Variants in PPID observed in about 807,000 individuals in gnomAD.
PPID encodes peptidylprolyl isomerase D, also known as peptidyl-prolyl cis-trans isomerase D.
A neutral mutation model predicts 48.1 loss-of-function variants in PPID; 47 were observed. The observed-to-expected ratio is 0.98, with a 90% confidence interval of 0.77 to 1.25. PPID has a LOEUF of 1.25. Ranked by LOEUF, PPID falls within the 50% of genes most tolerant of loss-of-function variation. PPID has a pLI of 0.00. For missense variants in PPID, 429 were observed against 443.5 expected (o/e 0.97, Z 0.29); for synonymous variants, 163 against 148.8 (o/e 1.10, Z -0.69).
Position 158,717,181 on chromosome 4 carries a change from A to G in PPID, c.353T>C (p.Leu118Pro). Reference sequence around the variant, plus strand: ...GTTGCGGCCTGCATTTGCCATGCTCAGTAAACCCTCCCGATCATGCTGTAG... The same window carrying G: ...GTTGCGGCCTGCATTTGCCATGCTCGGTAAACCCTCCCGATCATGCTGTAG... ...FHYKHDREGL[L>P]SMANAGRNTN... The change falls in exon 4 of 10, where the codon CTG becomes CCG. Residue 118 changes from leucine (L) to proline (P), a missense_variant. Coordinates refer to ENST00000307720, the MANE Select transcript of PPID (RefSeq NM_005038.3). The G allele has an allele frequency of 6.2e-7, 1 of 1,613,566 alleles. No homozygotes were observed. The highest frequency in any genetic ancestry group is 8.5e-7 in the Non-Finnish European group (1 of 1,179,824).
chr4:158,709,969 C>G, intron 9 of PPID, 145 bp from the exon 10 acceptor site: 1 of 610,164 alleles, frequency 1.6e-6, no homozygotes, highest in Non-Finnish European at 2.8e-6. Flanking sequence ...TCTGAGCAAT[C>G]ACACAAACAC....
intron 9 of PPID, 106 bp from the exon 10 acceptor site, chr4:158,709,930 C>G: frequency 1.2e-6 from 1 of 812,072 alleles, no homozygotes; most frequent in Non-Finnish European, 1.9e-6. Flanking sequence ...AACTTCTCTA[C>G]AAAGTAACTA....
At chr4:158,722,280 A>C (rs1249484418) in intron 1 of PPID, among the ~76,000 whole-genome samples, 1 of 152,254 alleles carries the variant, frequency 6.6e-6, no homozygotes, top group Non-Finnish European at 1.5e-5. Context: ...AGAATTTCCA[A>C]TCACCAAGCA....
intron 9 of PPID, 43 bp from the exon 10 acceptor site, chr4:158,709,867 C>T: frequency 6.8e-7 from 1 of 1,479,208 alleles, no homozygotes; most frequent in Non-Finnish European, 9.3e-7. Flanking sequence ...TCAAAATATC[C>T]AAAAAATTAT....
Position 158,721,456 on chromosome 4 carries a change from G to T in PPID, c.113C>A (p.Ala38Glu). The change falls in exon 2 of 10, where the codon GCA (alanine) becomes GAA (glutamate). Residue 38 changes from alanine to glutamate, a missense_variant. Ala to Glu is a moderately radical substitution (Grantham distance 107). Coordinates refer to ENST00000307720, the MANE Select transcript of PPID (RefSeq NM_005038.3). ...RVGRIVLELF[A>E]DIVPKTAENF... ...TTCCGCAGTTTTGGGTACGATATCT[G>T]CAAACAATTCTAAGACAATTCGACC... 1.2e-6 allele frequency: 2 copies of T among 1,614,010 alleles called. No individual in the cohort carries two copies. Among genetic ancestry groups the T allele is most frequent in the Non-Finnish European group, 8.5e-7 (1 of 1,179,944 alleles).
In PPID at chr4:158,710,616, C is replaced by A. The variant is rs201197461; in HGVS notation, c.1024+12G>T. The A allele has an allele frequency of 1.2e-6, 2 of 1,612,200 alleles. No homozygotes were observed. Among genetic ancestry groups the A allele is most frequent in the South Asian group, 1.1e-5 (1 of 91,024 alleles). On this transcript the variant is annotated intron_variant, in intron 9 of 9. Coordinates refer to ENST00000307720, the MANE Select transcript of PPID (RefSeq NM_005038.3). ...ACAAAATTAACTTTCACTACAAAAG[C>A]TGCCAACTTACCTTTATCTTCTGGT... is the stretch of plus-strand genomic sequence containing the variant.
rs1182779511 is a variant in PPID at position 158,715,344 on chromosome 4, T to A, written c.705A>T (p.Lys235Asn). ...TAATAGCCATCTCCCAGTTCTGGGA[T>A]TTGAAAAAAGTATTTCCAATGTTTT... ...DLKNIGNTFF[K>N]SQNWEMAIKK... Residue 235 changes from lysine to asparagine, a missense_variant, in exon 6 of 10, where the codon AAA (lysine) becomes AAT (asparagine). Coordinates refer to ENST00000307720, the MANE Select transcript of PPID (RefSeq NM_005038.3). The A allele has an allele frequency of 1.9e-6, 3 of 1,543,276 alleles. No individual in the cohort carries two copies. Among genetic ancestry groups the A allele is most frequent in the Non-Finnish European group, 2.6e-6 (3 of 1,147,172 alleles).
At chr4:158,710,376 A>C in intron 9 of PPID, 1 of 568,126 alleles carries the variant, frequency 1.8e-6, no homozygotes, top group Non-Finnish European at 3.1e-6. Flanking sequence ...AAAAAACTAC[A>C]GAGATGATAA....
chr4:158,723,187 C>T lies in PPID; in HGVS notation c.85+17G>A. On this transcript the variant is annotated intron_variant, in intron 1 of 9. Transcript: ENST00000307720. ...CGCCTCCTCGGGGCTTTTCCGCGAGCGTCAGACTCCGCTCACCTCGCTCCC... is the reference window on the plus strand; with the variant it reads ...CGCCTCCTCGGGGCTTTTCCGCGAGTGTCAGACTCCGCTCACCTCGCTCCC... The T allele has an allele frequency of 6.2e-7, 1 of 1,608,898 alleles. No individual in the cohort carries two copies. The highest frequency in any genetic ancestry group is 8.5e-7 in the Non-Finnish European group (1 of 1,176,484).
At chr4:158,710,515 T>C in intron 9 of PPID, 113 bp downstream of exon 9, 1 of 1,141,050 alleles carries the variant, frequency 8.8e-7, no homozygotes, top group Non-Finnish European at 1.3e-6. Context: ...ACAGCAGGCA[T>C]TCTGTAGTGT....
At chr4:158,719,908 C>T (rs1027598979) in intron 2 of PPID, among the ~76,000 whole-genome samples, 5 of 152,144 alleles carry the variant, frequency 3.3e-5, no homozygotes, top group Admixed American at 6.5e-5. Context: ...AGCGAGATGA[C>T]GGGAAAGACA....
In PPID at chr4:158,723,333, TGGCCGCCCG is replaced by T; in HGVS notation, c.-54_-46del. ...TAGTACGGAATATCAGAGTACCTAG[TGGCCGCCCG>T]GGCCGCCCAAACTCCAGAGTCCGTC... On this transcript the variant is annotated 5_prime_UTR_variant, in exon 1 of 10. Coordinates refer to ENST00000307720, the MANE Select transcript of PPID (RefSeq NM_005038.3). The T allele has an allele frequency of 6.3e-7, 1 of 1,577,580 alleles. No individual in the cohort carries two copies. The highest frequency in any genetic ancestry group is 8.7e-7 in the Non-Finnish European group (1 of 1,150,390).
At chr4:158,721,629 A>T (rs967295121) in intron 1 of PPID, 146 bp from the exon 2 acceptor site, 1 of 808,898 alleles carries the variant, frequency 1.2e-6, no homozygotes, top group Non-Finnish European at 1.9e-6. Flanking sequence ...AATTTCAAGA[A>T]CACAACACAT....
intron 4 of PPID, among the ~76,000 whole-genome samples, chr4:158,715,885 G>C (rs1774863472): frequency 6.6e-6 from 1 of 152,054 alleles, no homozygotes; most frequent in South Asian, 2.1e-4. Context: ...TGCTATTCAG[G>C]AGCTCAATAA....
intron 3 of PPID, among the ~76,000 whole-genome samples, chr4:158,718,128 C>T (rs187253320): frequency 3.2e-4 from 48 of 152,324 alleles, no homozygotes; most frequent in Admixed American, 3.1e-3. Context: ...CATCACATCA[C>T]CTTTAGTTTT....
chr4:158,710,944 C>A, intron 7 of PPID, 96 bp from the exon 8 acceptor site: 7 of 1,115,036 alleles, frequency 6.3e-6, no homozygotes, highest in Non-Finnish European at 7.9e-6. Flanking sequence ...CCATCCTTCA[C>A]TGCTCTGTGA....
intron 6 of PPID, 49 bp downstream of exon 6, chr4:158,715,248 T>C: frequency 7.6e-7 from 1 of 1,311,150 alleles, no homozygotes; most frequent in Non-Finnish European, 1.0e-6. Flanking sequence ...TTTTAGTTTA[T>C]AATTCAATTT....
chr4:158,713,042 T>C, intron 7 of PPID, 77 bp downstream of exon 7: 1 of 1,430,898 alleles, frequency 7.0e-7, no homozygotes, highest in Middle Eastern at 1.8e-4. Flanking sequence ...GATATATTAA[T>C]GTATATAAAA....
Position 158,710,819 on chromosome 4 carries a change from T to C in PPID, c.924A>G (p.Lys308=). Residue 308 remains lysine (K), a synonymous_variant, in exon 8 of 10, where the codon AAA becomes AAG. Coordinates refer to ENST00000307720, the MANE Select transcript of PPID (RefSeq NM_005038.3). ...EALELDPSNT[K]ALYRRAQGWQ... is the part of the protein sequence containing the mutation. ...ATCCTTGAGCTCTGCGGTACAATGC[T>C]TTGGTATTTGATGGGTCTAGTTCAA... 2 of 1,613,572 alleles carry C rather than the reference T, an allele frequency of 1.2e-6. 1 individual carries two copies. Among genetic ancestry groups the C allele is most frequent in the Middle Eastern group, 3.3e-4 (2 of 6,062 alleles).
Sources: allele counts gnomAD v4.1 joint callset (sites outside exome capture counted in the v4.1 genomes callset), GRCh38; gene constraint gnomAD v4.1.1; transcripts MANE v1.5; gene names NCBI Gene and HGNC (gene_info 2026-07-23, HGNC 2026-07-21).